Variants in WASHC5 observed in about 807,000 individuals in gnomAD.
WASHC5 encodes the protein WASH complex subunit strumpellin.
WASHC5 carries 101 observed loss-of-function variants against 150.4 expected under a neutral mutation model. The observed-to-expected ratio is 0.67, with a 90% confidence interval of 0.57 to 0.79. The LOEUF (loss-of-function observed/expected upper bound fraction) is 0.79, where lower values mean the gene tolerates loss of function less well. Among genes scored for constraint, WASHC5 ranks in the 30% least tolerant of loss-of-function variants. The pLI, the probability that WASHC5 is intolerant of heterozygous loss-of-function variation, is 0.00. For missense variants in WASHC5, 1,195 were observed against 1,396.3 expected, an observed-to-expected ratio of 0.86 and a Z score of 2.30; for synonymous variants, 467 against 491.2, an observed-to-expected ratio of 0.95 and a Z score of 0.65.
At chr8:125,075,537 A>G (rs2130175056) in intron 7 of WASHC5, among the ~76,000 whole-genome samples, 1 of 152,270 alleles carries the variant, frequency 6.6e-6, no homozygotes, top group South Asian at 2.1e-4. Context: ...TAATTATAGT[A>G]TCATGGTCAA....
At chr8:125,047,893 C>T (rs1816120281) in intron 19 of WASHC5, among the ~76,000 whole-genome samples, 1 of 152,112 alleles carries the variant, frequency 6.6e-6, no homozygotes, top group African/African-American at 2.4e-5. Context: ...GTTGCCCAGG[C>T]TGGAGTGCCG....
chr8:125,077,959 A>G, intron 6 of WASHC5, among the ~76,000 whole-genome samples: 1 of 152,188 alleles, frequency 6.6e-6, no homozygotes, highest in East Asian at 1.9e-4. Context: ...ACATATTCAC[A>G]CAAAAAACTA....
At chr8:125,049,537 A>T (rs1816176044) in intron 18 of WASHC5, among the ~76,000 whole-genome samples, 1 of 151,872 alleles carries the variant, frequency 6.6e-6, no homozygotes, top group Non-Finnish European at 1.5e-5. Context: ...AGCCTGGGAG[A>T]CAGAGCAAGA....
At chr8:125,086,099 G>A (rs559169146) in intron 1 of WASHC5, among the ~76,000 whole-genome samples, 2 of 152,266 alleles carry the variant, frequency 1.3e-5, no homozygotes, top group African/African-American at 4.8e-5. Flanking sequence ...CTCTCAATGA[G>A]TCTGGATTGC....
intron 28 of WASHC5, among the ~76,000 whole-genome samples, chr8:125,028,352 C>G (rs938858897): frequency 1.3e-5 from 2 of 152,190 alleles, no homozygotes; most frequent in Non-Finnish European, 2.9e-5. Context: ...GCCTATTTCA[C>G]TTAACTCCTG....
At chr8:125,075,395 G>C (rs1314952023) in intron 7 of WASHC5, among the ~76,000 whole-genome samples, 1 of 151,004 alleles carries the variant, frequency 6.6e-6, no homozygotes, top group Non-Finnish European at 1.5e-5. Context: ...TTGTTTTATT[G>C]GTTGGCAATT....
intron 28 of WASHC5, among the ~76,000 whole-genome samples, chr8:125,027,432 G>A (rs550835610): frequency 3.1e-4 from 47 of 152,272 alleles, no homozygotes; most frequent in African/African-American, 9.6e-4. Context: ...GGAATGCTAC[G>A]CAGCCATAAA....
intron 28 of WASHC5, among the ~76,000 whole-genome samples, chr8:125,025,481 A>G (rs1211752864): frequency 6.6e-6 from 1 of 152,074 alleles, no homozygotes; most frequent in East Asian, 1.9e-4. Flanking sequence ...TGAGGTCAGG[A>G]GTTCAAGACC....
intron 28 of WASHC5, among the ~76,000 whole-genome samples, chr8:125,024,963 T>C (rs549407575): frequency 7.2e-5 from 11 of 152,192 alleles, no homozygotes; most frequent in African/African-American, 2.4e-4. Context: ...TGTTCTTGCC[T>C]CTGGGAAGTA....
chr8:125,079,135 T>TATATATATAC lies in WASHC5; in HGVS notation c.519-206_519-205insGTATATATAT, dbSNP rs35442808. ...GTGTGTGTATATATATATATATATA[T>TATATATATAC]ATATACATTTTTTTTTGAGATGGAG... On this transcript the variant is annotated intron_variant, in intron 5 of 28. Transcript: ENST00000318410. Among the ~76,000 whole-genome samples the TATATATATAC allele has an allele frequency of 5.1e-3, 596 of 117,438 alleles. 4 individuals are homozygous for TATATATATAC. Among genetic ancestry groups the TATATATATAC allele is most frequent in the East Asian group, 0.021 (83 of 4,038 alleles). 77.0% of individuals were successfully genotyped at this position (117,438 alleles called of 152,430 possible). A position where few individuals can be genotyped will look rare whatever the true frequency, so the allele number is the denominator to read the frequency against.
chr8:125,042,267 G>A (rs189989369), intron 23 of WASHC5, among the ~76,000 whole-genome samples: 10 of 152,178 alleles, frequency 6.6e-5, no homozygotes, highest in African/African-American at 1.9e-4. Flanking sequence ...AGCTCCTAGC[G>A]ATGTGTGGCT....
intron 26 of WASHC5, chr8:125,032,606 C>T (rs927843305): frequency 1.7e-5 from 10 of 586,608 alleles, no homozygotes; most frequent in Admixed American, 5.7e-5. Context: ...ACCAATAAAA[C>T]GGTTACTAAA....
intron 7 of WASHC5, 141 bp from the exon 8 acceptor site, chr8:125,075,252 GGTAAGTGTTCCTGATTGTTAA>G (rs1005445041): frequency 6.8e-5 from 46 of 679,632 alleles, no homozygotes; most frequent in African/African-American, 4.4e-4. Flanking sequence ...CAAATATATA[GGTAAGTGTTCCTGATTGTTAA>G]GTAAGTGTTC....
At chr8:125,038,327 TA>T (rs572386416) in intron 25 of WASHC5, among the ~76,000 whole-genome samples, 1 of 152,196 alleles carries the variant, frequency 6.6e-6, no homozygotes, top group Non-Finnish European at 1.5e-5. Context: ...ATAACTAGTA[TA>T]AACAGCCTTA....
intron 27 of WASHC5, 94 bp downstream of exon 27, chr8:125,032,147 C>A: frequency 7.1e-7 from 1 of 1,410,578 alleles, no homozygotes; most frequent in Non-Finnish European, 1.0e-6. Context: ...CATTTCCCAT[C>A]TCTATTAGGG....
At chr8:125,077,057 T>C (rs1817084981) in intron 6 of WASHC5, among the ~76,000 whole-genome samples, 1 of 152,242 alleles carries the variant, frequency 6.6e-6, no homozygotes, top group African/African-American at 2.4e-5. Context: ...CAATCTCCTT[T>C]GCTGAGTCCT....
chr8:125,084,033 A>C lies in WASHC5; in HGVS notation c.-124-11T>G, dbSNP rs769835014. 85 of 798,696 alleles carry C rather than the reference A, an allele frequency of 1.1e-4. No individual in the cohort carries two copies. Among genetic ancestry groups the C allele is most frequent in the Non-Finnish European group, 1.5e-4 (71 of 480,378 alleles). 49.5% of individuals were successfully genotyped at this position (798,696 alleles called of 1,614,324 possible). On this transcript the variant is annotated splice_polypyrimidine_tract_variant and intron_variant, in intron 1 of 28. Transcript: ENST00000318410. ...CCTCCATTAAAGAACCTGTATCCCCAAAAAAAGTGTGAAAATCTCAATTTG... is the reference window on the plus strand; with the variant it reads ...CCTCCATTAAAGAACCTGTATCCCCCAAAAAAGTGTGAAAATCTCAATTTG...
At chr8:125,076,766 C>T (rs1586382155) in intron 6 of WASHC5, among the ~76,000 whole-genome samples, 1 of 127,748 alleles carries the variant, frequency 7.8e-6, no homozygotes, top group Non-Finnish European at 1.5e-5. Flanking sequence ...AAAAAAGTCC[C>T]ATTCCTGTGT....
intron 14 of WASHC5, among the ~76,000 whole-genome samples, chr8:125,058,062 T>C (rs1816466415): frequency 1.3e-5 from 2 of 151,440 alleles, no homozygotes; most frequent in African/African-American, 4.9e-5. Flanking sequence ...AATCAAGACG[T>C]TCTGATTGAC....
Sources: allele counts gnomAD v4.1 joint callset (sites outside exome capture counted in the v4.1 genomes callset), GRCh38; gene constraint gnomAD v4.1.1; transcripts MANE v1.5; gene names NCBI Gene and HGNC (gene_info 2026-07-23, HGNC 2026-07-21).